The following KAT2B variants were observed in gnomAD, a reference collection of about 807,000 sequenced individuals.
The protein encoded by KAT2B is histone acetyltransferase KAT2B.
Under a neutral mutation model 105.9 loss-of-function variants are expected in KAT2B, and 36 were observed. The observed-to-expected ratio is 0.34, with a 90% CI of 0.26 to 0.45. The LOEUF (loss-of-function observed/expected upper bound fraction) is 0.45, where lower values mean the gene tolerates loss of function less well. Among genes scored for constraint, KAT2B ranks in the 20% least tolerant of loss-of-function variants. KAT2B has a pLI of 1.00. For synonymous variants in KAT2B, 397 were observed against 377.9 expected, an observed-to-expected ratio of 1.05 and a Z score of -0.59; for missense variants, 820 against 1,021.6, an observed-to-expected ratio of 0.80 and a Z score of 2.69.
intron 3 of KAT2B, among the ~76,000 whole-genome samples, chr3:20,098,621 A>G (rs1698854171): frequency 6.6e-6 from 1 of 152,102 alleles, no homozygotes; most frequent in African/African-American, 2.4e-5. Flanking sequence ...CCAAATTGAA[A>G]CCCCCAAATG....
intron 1 of KAT2B, among the ~76,000 whole-genome samples, chr3:20,049,626 G>A (rs1179454479): frequency 4.6e-5 from 7 of 152,172 alleles, no homozygotes; most frequent in Non-Finnish European, 8.8e-5. Context: ...GCATTCTGCT[G>A]TCGTTTGAAA....
At chr3:20,107,806 C>CTTTTTTTT (rs1206858155) in intron 5 of KAT2B, among the ~76,000 whole-genome samples, 1 of 113,758 alleles carries the variant, frequency 8.8e-6, no homozygotes, top group Non-Finnish European at 1.7e-5. Context: ...TTGCTTTTTC[C>CTTTTTTTT]TTTTTTTTTT....
chr3:20,096,055 T>C (rs964443623), intron 3 of KAT2B, among the ~76,000 whole-genome samples: 29 of 152,040 alleles, frequency 1.9e-4, no homozygotes, highest in African/African-American at 6.8e-4. Context: ...TAAGAGAGCT[T>C]GAAGTGATGT....
chr3:20,144,761 G>A lies in KAT2B; in HGVS notation c.2005-1555G>A, dbSNP rs565027286. On this transcript the variant is annotated intron_variant, in intron 13 of 17. Coordinates refer to ENST00000263754, the MANE Select transcript of KAT2B (RefSeq NM_003884.5). ...TGGTTAGTCAAAATTAAGGCATGCT[G>A]TAAGTATAAAATCCTCTGATTTTCA... 2.6e-5 allele frequency among the ~76,000 whole-genome samples: 4 copies of A among 151,654 alleles called. No homozygotes were observed. The South Asian group carries it at 8.3e-4, about 32-fold the overall frequency.
In KAT2B at chr3:20,124,369, T is replaced by C. The variant is rs569540072; in HGVS notation, c.1414-1536T>C. Among the ~76,000 whole-genome samples the C allele has an allele frequency of 5.9e-5, 9 of 152,204 alleles. No individual in the cohort carries two copies. The East Asian group carries it at 1.7e-3, about 29-fold the overall frequency. On this transcript the variant is annotated intron_variant, in intron 9 of 17. Coordinates refer to ENST00000263754, the MANE Select transcript of KAT2B (RefSeq NM_003884.5). ...TTCTGGGGAGGCCTCAGGGAACTTA[T>C]ACTCATGGTGCAGGGTGAAGTGGGA...
intron 8 of KAT2B, among the ~76,000 whole-genome samples, chr3:20,121,162 G>GT (rs1699300564): frequency 6.6e-6 from 1 of 151,986 alleles, no homozygotes; most frequent in Non-Finnish European, 1.5e-5. Context: ...ACAAAAAATT[G>GT]TAAAAAAAAG....
chr3:20,041,122 C>T (rs756746276), intron 1 of KAT2B, among the ~76,000 whole-genome samples: 1 of 152,054 alleles, frequency 6.6e-6, no homozygotes, highest in African/African-American at 2.4e-5. Context: ...GAGCGGTGCT[C>T]TCCATGTGGC....
intron 1 of KAT2B, among the ~76,000 whole-genome samples, chr3:20,061,866 TATATA>T (rs367969548): frequency 0.12 from 13,683 of 112,352 alleles, 1,017 homozygotes; most frequent in Non-Finnish European, 0.15. Context: ...ATACATAAAA[TATATA>T]ATATATTTGT....
intron 1 of KAT2B, among the ~76,000 whole-genome samples, chr3:20,044,419 A>T (rs945068577): frequency 6.6e-6 from 1 of 152,106 alleles, no homozygotes; most frequent in Non-Finnish European, 1.5e-5. Flanking sequence ...TCTCCCTAAA[A>T]AAAAAAATAA....
chr3:20,061,951 A>ATATATAAAACATAATATATAT (rs1350095849), intron 1 of KAT2B, among the ~76,000 whole-genome samples: 2 of 119,658 alleles, frequency 1.7e-5, no homozygotes, highest in African/African-American at 6.6e-5. Flanking sequence ...AATATATATT[A>ATATATAAAACATAATATATAT]TATATAAAAC....
intron 11 of KAT2B, among the ~76,000 whole-genome samples, chr3:20,133,033 AT>A (rs1236824652): frequency 6.6e-6 from 1 of 152,190 alleles, no homozygotes; most frequent in Non-Finnish European, 1.5e-5. Context: ...AGTTAAAAAA[AT>A]TTTTTTAGAA....
In KAT2B at chr3:20,146,447, T is replaced by A; in HGVS notation, c.2119+17T>A. On this transcript the variant is annotated intron_variant, in intron 14 of 17. Transcript: ENST00000263754. ...CTGGAATTAGTACGTATAGACCTTCTTTTAAAAGCGAAATTTTTTAGTAAT... is the reference window on the plus strand; with the variant it reads ...CTGGAATTAGTACGTATAGACCTTCATTTAAAAGCGAAATTTTTTAGTAAT... The A allele has an allele frequency of 1.4e-6, 2 of 1,459,652 alleles. No individual in the cohort carries two copies. Among genetic ancestry groups the A allele is most frequent in the Non-Finnish European group, 1.9e-6 (2 of 1,055,018 alleles). The allele number at this position is 1,459,652 out of a possible 1,614,324, so 90.4% of individuals were successfully genotyped here.
chr3:20,142,164 A>T (rs1382307872), intron 13 of KAT2B, among the ~76,000 whole-genome samples: 1 of 152,128 alleles, frequency 6.6e-6, no homozygotes, highest in Non-Finnish European at 1.5e-5. Flanking sequence ...CTTCAAACCT[A>T]CAGGGGAACG....
chr3:20,044,983 G>A (rs1697782763), intron 1 of KAT2B, among the ~76,000 whole-genome samples: 2 of 152,072 alleles, frequency 1.3e-5, no homozygotes, highest in Admixed American at 1.3e-4. Context: ...ACAGTTCTAG[G>A]TGTCCCACAG....
intron 11 of KAT2B, among the ~76,000 whole-genome samples, chr3:20,129,732 T>C (rs908374233): frequency 1.3e-5 from 2 of 152,182 alleles, no homozygotes; most frequent in Non-Finnish European, 2.9e-5. Flanking sequence ...CATCTCAATT[T>C]AGACAAGCTG....
intron 9 of KAT2B, among the ~76,000 whole-genome samples, chr3:20,125,500 A>C (rs1157505695): frequency 6.6e-6 from 1 of 152,166 alleles, no homozygotes; most frequent in Non-Finnish European, 1.5e-5. Context: ...TTATTGGAAC[A>C]GTACTGCACC....
intron 3 of KAT2B, 24 bp downstream of exon 3, chr3:20,095,432 C>G: frequency 2.7e-6 from 4 of 1,490,578 alleles, no homozygotes; most frequent in Non-Finnish European, 3.7e-6. Flanking sequence ...ATTTTAAAAA[C>G]ATTTTCTCTC....
chr3:20,142,734 G>A (rs966332250), intron 13 of KAT2B, among the ~76,000 whole-genome samples: 1 of 152,124 alleles, frequency 6.6e-6, no homozygotes, highest in Non-Finnish European at 1.5e-5. Flanking sequence ...GCAGCCTGGT[G>A]ATGAAATCTG....
intron 8 of KAT2B, among the ~76,000 whole-genome samples, chr3:20,120,690 T>A (rs1699292644): frequency 6.6e-6 from 1 of 152,136 alleles, no homozygotes; most frequent in Admixed American, 6.5e-5. Flanking sequence ...TGGCCATTAA[T>A]GTAATCTACC....
Sources: gnomAD v4.1 joint callset for allele counts (sites outside exome capture counted in the v4.1 genomes callset) on GRCh38, gnomAD v4.1.1 for gene constraint, MANE v1.5 for transcripts, NCBI Gene and HGNC (gene_info 2026-07-23, HGNC 2026-07-21) for gene names.